MICU3: variants seen among roughly 807,000 people sequenced by gnomAD.
The protein encoded by MICU3 is mitochondrial calcium uptake 3, also known as calcium uptake protein 3, mitochondrial.
MICU3 carries 62 observed loss-of-function variants against 66.5 expected under a neutral mutation model. That is an observed-to-expected ratio of 0.93 (90% CI 0.76 to 1.15). MICU3 has a LOEUF of 1.15. Ranked by LOEUF, MICU3 falls within the 50% of genes most tolerant of loss-of-function variation. The probability of loss-of-function intolerance (pLI) is 0.00; values close to 1 mark genes in which losing one functional copy is unlikely to be tolerated. For synonymous variants in MICU3, 308 were observed against 240.7 expected, an observed-to-expected ratio of 1.28 and a Z score of -2.59; for missense variants, 779 against 664.4, an observed-to-expected ratio of 1.17 and a Z score of -1.90.
At chr8:17,124,601 C>G (rs1803356904), downstream of MICU3, among the ~76,000 whole-genome samples, 1 of 151,988 alleles carries the variant, frequency 6.6e-6, no homozygotes, top group East Asian at 1.9e-4. Flanking sequence ...CCCTCTCTAT[C>G]TCCCAGGTCA....
intron 1 of MICU3, among the ~76,000 whole-genome samples, chr8:17,053,589 A>G (rs1327469288): frequency 6.6e-6 from 1 of 152,178 alleles, no homozygotes; most frequent in Non-Finnish European, 1.5e-5. Context: ...GGGAAAGATG[A>G]GGTAATTTAA....
chr8:17,074,041 TC>T (rs1296376983), intron 3 of MICU3, among the ~76,000 whole-genome samples: 2 of 151,810 alleles, frequency 1.3e-5, no homozygotes, highest in South Asian at 4.2e-4. Flanking sequence ...GGTGGAGTTT[TC>T]TTTTTCTTTT....
chr8:17,077,599 G>C (rs931778812), intron 3 of MICU3, among the ~76,000 whole-genome samples, 184 bp from the exon 4 acceptor site: 5 of 152,040 alleles, frequency 3.3e-5, no homozygotes, highest in African/African-American at 1.2e-4. Context: ...TTTATTTTAT[G>C]TTTGAACTGT....
chr8:17,101,121 A>G (rs1801218130), intron 9 of MICU3, among the ~76,000 whole-genome samples: 1 of 151,854 alleles, frequency 6.6e-6, no homozygotes, highest in East Asian at 1.9e-4. Context: ...ATATATTTAT[A>G]TTTCATGCAA....
chr8:17,131,209 A>G, the MICU3 span: 1 of 152,254 alleles, frequency 6.6e-6, no homozygotes, highest in East Asian at 1.9e-4. Flanking sequence ...ACTAGCAGGT[A>G]TCAGGAGCAA....
intron 12 of MICU3, among the ~76,000 whole-genome samples, chr8:17,116,056 T>A (rs1802650706): frequency 6.6e-6 from 1 of 152,232 alleles, no homozygotes; most frequent in Non-Finnish European, 1.5e-5. Flanking sequence ...ATCTCCAGAT[T>A]CTCATAGCAC....
At chr8:17,058,071 A>C (rs992203973) in intron 1 of MICU3, among the ~76,000 whole-genome samples, 1 of 152,086 alleles carries the variant, frequency 6.6e-6, no homozygotes, top group Non-Finnish European at 1.5e-5. Context: ...GCTGGTCTCG[A>C]ACTCCTGACC....
intron 3 of MICU3, among the ~76,000 whole-genome samples, chr8:17,076,531 C>T (rs1820413450): frequency 6.6e-6 from 1 of 152,080 alleles, no homozygotes; most frequent in African/African-American, 2.4e-5. Context: ...AAAACACAAA[C>T]ACAAGAATCC....
At chr8:17,082,731 C>G (rs1336537724) in intron 5 of MICU3, among the ~76,000 whole-genome samples, 1 of 152,090 alleles carries the variant, frequency 6.6e-6, no homozygotes, top group Admixed American at 6.6e-5. Context: ...ATCAGTAAAA[C>G]TCTGTCATTA....
In MICU3 at chr8:17,105,588, T is replaced by A; in HGVS notation, c.1257+4T>A. On this transcript the variant is annotated splice_donor_region_variant and intron_variant, in intron 11 of 14. Coordinates refer to ENST00000318063, the MANE Select transcript of MICU3 (RefSeq NM_181723.3). ...TTACAGTATACCTGAAGAAAAGGTA[T>A]CTAATCCTCATATTTAGTTGGTTAT... The A allele has an allele frequency of 1.3e-6, 2 of 1,491,756 alleles. No homozygotes were observed. Among genetic ancestry groups the A allele is most frequent in the Non-Finnish European group, 1.8e-6 (2 of 1,111,504 alleles). The allele number at this position is 1,491,756 out of a possible 1,614,324, so 92.4% of individuals were successfully genotyped here. A position where few individuals can be genotyped will look rare whatever the true frequency, so the allele number is the denominator to read the frequency against.
intron 14 of MICU3, 130 bp downstream of exon 14, chr8:17,118,905 T>C (rs1802953333): frequency 3.7e-6 from 2 of 539,420 alleles, no homozygotes; most frequent in South Asian, 8.0e-5. Context: ...TTTTAAGTCA[T>C]TAGAGTATCT....
chr8:17,074,590 CGTG>C (rs1331876698), intron 3 of MICU3, among the ~76,000 whole-genome samples: 1 of 141,944 alleles, frequency 7.0e-6, no homozygotes, highest in Non-Finnish European at 1.6e-5. Flanking sequence ...GATGTTAAAA[CGTG>C]TGTGTGTGTG....
In MICU3 at chr8:17,120,395, G is replaced by C. The variant is rs961435652; in HGVS notation, c.*108G>C. 3 of 151,918 alleles carry C rather than the reference G, an allele frequency of 2.0e-5. No homozygotes were observed. The highest frequency in any genetic ancestry group is 4.4e-5 in the Non-Finnish European group (3 of 67,936). 9.4% of individuals were successfully genotyped at this position (151,918 alleles called of 1,614,324 possible). ...GAGGTCAGAAGAAGTAGAGAATGAA[G>C]GAAAAGGTGAATGCTATGAAATTGA... On this transcript the variant is annotated 3_prime_UTR_variant, in exon 15 of 15. Transcript: ENST00000318063.
rs979816277 is a variant in MICU3, at chr8:17,104,722, G to A, written c.1085+231G>A. ...TAAAAATTCCAGATATCGGCCGGGC[G>A]CGGTGGCTCACGCCTGTAATCCCAG... On this transcript the variant is annotated intron_variant, in intron 10 of 14. Transcript: ENST00000318063. Among the ~76,000 whole-genome samples, 5 of 35,198 alleles carry A rather than the reference G, an allele frequency of 1.4e-4. 2 individuals carry two copies. The highest frequency in any genetic ancestry group is 1.5e-3 in the African/African-American group (2 of 1,324). The allele number at this position is 35,198 out of a possible 152,430, so 23.1% of individuals were successfully genotyped here. A position where few individuals can be genotyped will look rare whatever the true frequency, so the allele number is the denominator to read the frequency against.
chr8:17,106,239 A>G (rs1801724678), intron 11 of MICU3, among the ~76,000 whole-genome samples: 1 of 152,058 alleles, frequency 6.6e-6, no homozygotes, highest in Non-Finnish European at 1.5e-5. Context: ...ATTTGTGTTT[A>G]GACAAGGATC....
At chr8:17,085,467 AC>A in intron 6 of MICU3, 149 bp downstream of exon 6, 2 of 501,846 alleles carry the variant, frequency 4.0e-6, no homozygotes, top group Non-Finnish European at 7.2e-6. Flanking sequence ...ATACTCAGGT[AC>A]TTTGAACAAT....
At position 17,027,589 on chromosome 8, in the gene MICU3, G is replaced by A; in HGVS notation, c.310G>A (p.Ala104Thr). 3.9e-6 allele frequency: 5 copies of A among 1,296,316 alleles called. No homozygotes were observed. The highest frequency in any genetic ancestry group is 2.4e-5 in the South Asian group (1 of 41,108). 80.3% of individuals were successfully genotyped at this position (1,296,316 alleles called of 1,614,324 possible). ...PATGRPSKSA[A>T]TEPEDPPRGR... ...GACCGGGCGACCCTCAAAGAGCGCG[G>A]CCACGGAGCCCGAGGACCCGCCCCG... Residue 104 changes from alanine to threonine, a missense_variant, in exon 1 of 15, where the codon GCC (alanine) becomes ACC (threonine). Physicochemically the swap from Ala to Thr is moderately conservative, Grantham distance 58 (BLOSUM62 0). Coordinates refer to ENST00000318063, the MANE Select transcript of MICU3 (RefSeq NM_181723.3).
At chr8:17,035,339 G>C (rs752616063) in intron 1 of MICU3, among the ~76,000 whole-genome samples, 54 of 152,342 alleles carry the variant, frequency 3.5e-4, no homozygotes, top group Non-Finnish European at 7.2e-4. Flanking sequence ...CTTTGGAACT[G>C]GGTAATAGGC....
intron 1 of MICU3, among the ~76,000 whole-genome samples, chr8:17,028,971 A>G (rs1309578073): frequency 1.3e-5 from 2 of 152,166 alleles, no homozygotes; most frequent in East Asian, 3.8e-4. Context: ...GAGAGATGTT[A>G]TCTTGCAGTT....
Sources: gnomAD v4.1 joint callset for allele counts (sites outside exome capture counted in the v4.1 genomes callset) on GRCh38, gnomAD v4.1.1 for gene constraint, MANE v1.5 for transcripts, NCBI Gene and HGNC (gene_info 2026-07-23, HGNC 2026-07-21) for gene names.